CCAR1: variants seen among roughly 807,000 people sequenced by gnomAD.
The protein encoded by CCAR1 is cell division cycle and apoptosis regulator 1, also known as cell division cycle and apoptosis regulator protein 1.
A neutral mutation model predicts 163.8 loss-of-function variants in CCAR1; 78 were observed. That is an observed-to-expected ratio of 0.48 (90% CI 0.40 to 0.57). CCAR1 has a LOEUF of 0.57. CCAR1 is among the 20% of genes least tolerant of loss of function. The pLI is 0.00. For synonymous variants in CCAR1, 443 were observed against 460.7 expected (o/e 0.96, Z 0.49); for missense variants, 1,019 against 1,365.2 (o/e 0.75, Z 4.00).
rs2056465145 is a variant in CCAR1, at chr10:68,761,163, G to A, written c.2077G>A (p.Asp693Asn). Residue 693 changes from aspartate to asparagine, a missense_variant, in exon 16 of 25, where the codon GAT (aspartate) becomes AAT (asparagine). Transcript: ENST00000265872. ...ATCTGAAAAAGAAGAGGATGAGGAT[G>A]ATGATAGGAAATCTGAAGACGATAA... ...EKSEKEEDED[D>N]DRKSEDDKEE... 6.2e-7 allele frequency: 1 copy of A among 1,602,852 alleles called. No homozygotes were observed. The highest frequency in any genetic ancestry group is 1.4e-5 in the African/African-American group (1 of 73,934).
intron 10 of CCAR1, among the ~76,000 whole-genome samples, chr10:68,751,890 T>G (rs1407906360): frequency 6.7e-6 from 1 of 148,992 alleles, no homozygotes. Context: ...AATAATAAAT[T>G]ACACCTTCAC....
intron 11 of CCAR1, 84 bp from the exon 12 acceptor site, chr10:68,754,630 A>G (rs1350881232): frequency 2.9e-6 from 2 of 686,690 alleles, no homozygotes; most frequent in Non-Finnish European, 5.1e-6. Context: ...CAGACATCTT[A>G]TATTTAAAGA....
chr10:68,737,060 A>G lies in CCAR1; in HGVS notation c.246+12A>G. ...CTGCATTACAACAGGTAAATCTTTA[A>G]TATGTCTTATTATTTGATGTAGAAA... On this transcript the variant is annotated intron_variant, in intron 3 of 24. Coordinates refer to ENST00000265872, the MANE Select transcript of CCAR1 (RefSeq NM_018237.4). The G allele has an allele frequency of 1.3e-6, 2 of 1,596,092 alleles. No homozygotes were observed. The highest frequency in any genetic ancestry group is 1.7e-6 in the Non-Finnish European group (2 of 1,165,650).
chr10:68,768,235 A>AT (rs974202829), intron 17 of CCAR1, among the ~76,000 whole-genome samples: 8 of 151,462 alleles, frequency 5.3e-5, no homozygotes, highest in East Asian at 1.9e-4. Context: ...AGTTGTTGGG[A>AT]TTTTTTTTTC....
chr10:68,786,121 A>G lies in CCAR1; in HGVS notation c.2651-15A>G. 1 of 1,578,616 alleles carries G rather than the reference A, an allele frequency of 6.3e-7. No individual in the cohort carries two copies. The highest frequency in any genetic ancestry group is 2.2e-5 in the East Asian group (1 of 44,546). ...TATTAATGACTTTTTTGCCACTGTTATATTTATTTTACAGATAGGGATGAG... is the reference window on the plus strand; with the variant it reads ...TATTAATGACTTTTTTGCCACTGTTGTATTTATTTTACAGATAGGGATGAG... On this transcript the variant is annotated splice_polypyrimidine_tract_variant and intron_variant, in intron 19 of 24. Transcript: ENST00000265872.
At chr10:68,738,642 A>G (rs2056144307) in intron 4 of CCAR1, among the ~76,000 whole-genome samples, 1 of 151,894 alleles carries the variant, frequency 6.6e-6, no homozygotes, top group African/African-American at 2.4e-5. Context: ...TGTTACATTA[A>G]CTAACACCTA....
intron 17 of CCAR1, among the ~76,000 whole-genome samples, chr10:68,768,068 A>G (rs1261320731): frequency 2.0e-5 from 3 of 152,230 alleles, no homozygotes; most frequent in East Asian, 1.9e-4. Context: ...GGAAAAATCA[A>G]TCATGCTTCT....
At chr10:68,735,022 T>C (rs913446694) in intron 2 of CCAR1, among the ~76,000 whole-genome samples, 22 of 152,188 alleles carry the variant, frequency 1.4e-4, no homozygotes, top group African/African-American at 5.3e-4. Context: ...AATTGTTTTT[T>C]AATTTCTCAG....
chr10:68,772,879 G>A (rs2056620462), intron 18 of CCAR1, 109 bp from the exon 19 acceptor site: 1 of 508,520 alleles, frequency 2.0e-6, no homozygotes, highest in African/African-American at 2.0e-5. Flanking sequence ...AGAAGGCCCA[G>A]GCCAGTGGAT....
chr10:68,745,729 G>T (rs879780316), intron 6 of CCAR1, among the ~76,000 whole-genome samples: 54 of 151,788 alleles, frequency 3.6e-4, no homozygotes, highest in Admixed American at 2.4e-3. Flanking sequence ...CTCCCAAAGT[G>T]CTGGGATTAC....
chr10:68,783,064 G>A (rs1183708068), intron 19 of CCAR1, among the ~76,000 whole-genome samples: 7 of 147,062 alleles, frequency 4.8e-5, no homozygotes, highest in African/African-American at 1.3e-4. Context: ...ATGCAGTGGC[G>A]TGATCATGGC....
chr10:68,788,920 T>G (rs2056824117), intron 23 of CCAR1, among the ~76,000 whole-genome samples: 1 of 152,054 alleles, frequency 6.6e-6, no homozygotes, highest in South Asian at 2.1e-4. Flanking sequence ...TTCCACTTTT[T>G]TTTTTTTGAG....
intron 2 of CCAR1, among the ~76,000 whole-genome samples, chr10:68,734,818 T>A (rs1166510468): frequency 6.6e-6 from 1 of 152,188 alleles, no homozygotes; most frequent in Non-Finnish European, 1.5e-5. Flanking sequence ...TGCTAGACCA[T>A]AATTTTTACC....
At chr10:68,748,489 T>C (rs1159470930) in intron 8 of CCAR1, among the ~76,000 whole-genome samples, 8 of 144,918 alleles carry the variant, frequency 5.5e-5, no homozygotes, top group South Asian at 2.1e-4. Flanking sequence ...CATGTTCTTT[T>C]TTTTTTTTTT....
intron 2 of CCAR1, among the ~76,000 whole-genome samples, chr10:68,732,388 C>T (rs1348867674): frequency 1.3e-5 from 2 of 152,040 alleles, no homozygotes. Context: ...CTTGCTCTGT[C>T]ACCCAGGCTG....
chr10:68,738,029 A>G, intron 4 of CCAR1, 140 bp downstream of exon 4: 5 of 568,304 alleles, frequency 8.8e-6, no homozygotes, highest in Non-Finnish European at 1.5e-5. Context: ...GTAAATAGGT[A>G]GGAAAAAAGG....
intron 1 of CCAR1, chr10:68,721,552 T>G (rs2055857054): frequency 2.2e-6 from 1 of 448,614 alleles, no homozygotes; most frequent in Non-Finnish European, 4.5e-6. Flanking sequence ...GACGCTGCAG[T>G]CCGCCGCCCC....
intron 6 of CCAR1, among the ~76,000 whole-genome samples, chr10:68,746,388 C>T (rs1438316005): frequency 1.3e-5 from 2 of 152,074 alleles, no homozygotes; most frequent in African/African-American, 4.8e-5. Context: ...GCGATTCGCA[C>T]CCGGCTAATT....
In CCAR1 at chr10:68,766,049, A is replaced by G; in HGVS notation, c.2268A>G (p.Arg756=). The G allele has an allele frequency of 1.2e-6, 2 of 1,612,844 alleles. No homozygotes were observed. The highest frequency in any genetic ancestry group is 1.1e-5 in the South Asian group (1 of 90,866). Residue 756 remains arginine, a synonymous_variant, in exon 17 of 25, where the codon AGA becomes AGG. Coordinates refer to ENST00000265872, the MANE Select transcript of CCAR1 (RefSeq NM_018237.4). ...CTTTGAGTGTCCTATTGGACTACAG[A>G]TTAGAGGATAATAAAGAACATTCAT... The part of the protein sequence containing the change: ...IMSLSVLLDY[R]LEDNKEHSFE...
Sources: allele counts gnomAD v4.1 joint callset (sites outside exome capture counted in the v4.1 genomes callset), GRCh38; gene constraint gnomAD v4.1.1; transcripts MANE v1.5; gene names NCBI Gene and HGNC (gene_info 2026-07-23, HGNC 2026-07-21).